CDH23: variants seen among roughly 807,000 people sequenced by gnomAD.
CDH23 encodes the protein cadherin-23.
CDH23 carries 189 observed loss-of-function variants against 317.1 expected under a neutral mutation model. The observed-to-expected ratio is 0.60, with a 90% CI of 0.53 to 0.67. The LOEUF is 0.67. CDH23 is among the 30% of genes least tolerant of loss of function. CDH23 has a pLI of 0.00. For synonymous variants in CDH23, 1,839 were observed against 1,876.8 expected (o/e 0.98, Z 0.52); for missense variants, 4,401 against 4,592.4 (o/e 0.96, Z 1.20).
intron 36 of CDH23, 29 bp downstream of exon 36, chr10:71,739,801 G>T: frequency 6.3e-7 from 1 of 1,593,338 alleles, no homozygotes. Context: ...TGGACTGAGA[G>T]ACCACTGGCT....
chr10:71,581,816 G>A (rs1398572249), intron 9 of CDH23, among the ~76,000 whole-genome samples: 1 of 152,188 alleles, frequency 6.6e-6, no homozygotes, highest in East Asian at 1.9e-4. Flanking sequence ...TGCCCAGCCT[G>A]TGGTCTCAAC....
intron 38 of CDH23, 87 bp from the exon 39 acceptor site, chr10:71,777,593 T>A: frequency 1.7e-6 from 2 of 1,148,094 alleles, no homozygotes. Flanking sequence ...TCACATGGAG[T>A]GAGTTCAGCC....
At chr10:71,651,366 C>CA (rs34501770) in intron 14 of CDH23, among the ~76,000 whole-genome samples, 43,728 of 100,146 alleles carry the variant, frequency 0.44, 9,361 homozygotes, top group East Asian at 0.63. Flanking sequence ...CCTGTCTCTG[C>CA]AAAAAAAAAA....
intron 8 of CDH23, among the ~76,000 whole-genome samples, chr10:71,574,827 T>G (rs1000615500): frequency 2.6e-5 from 4 of 151,842 alleles, no homozygotes; most frequent in Non-Finnish European, 5.9e-5. Flanking sequence ...CCTCACCCCC[T>G]CCTCATCTTG....
chr10:71,554,815 G>A (rs1173861809), intron 6 of CDH23, among the ~76,000 whole-genome samples: 1 of 152,022 alleles, frequency 6.6e-6, no homozygotes. Context: ...ATAGAAGATA[G>A]TATAGGGATT....
At chr10:71,571,036 C>T in intron 8 of CDH23, 118 bp downstream of exon 8, 2 of 1,135,602 alleles carry the variant, frequency 1.8e-6, no homozygotes, top group Non-Finnish European at 2.5e-6. Context: ...CTCCGCAGTC[C>T]CTGTGCGTGG....
chr10:71,442,493 C>T lies in CDH23; in HGVS notation c.67+2595C>T, dbSNP rs527519878. 9.0e-4 allele frequency among the ~76,000 whole-genome samples: 137 copies of T among 152,306 alleles called. 1 individual carries two copies. Among genetic ancestry groups the T allele is most frequent in the South Asian group, 3.1e-3 (15 of 4,830 alleles). On this transcript the variant is annotated intron_variant, in intron 2 of 69. Transcript: ENST00000224721. ...TTCCACCTGACCCCGTCACCCCAGC[C>T]GATCTCTACCCCCCTACCTGGTAGT...
Position 71,751,558 on chromosome 10 carries a change from G to T in CDH23, c.4845+9637G>T. ...TGTCCCTCACCCTCAACCCCACCCC[G>T]TGAGGCCGTGGAACTCTTCAGGGAG... On this transcript the variant is annotated intron_variant, in intron 38 of 69. Transcript: ENST00000224721. The surrounding 1 kb of genome is among the most constrained non-coding windows in gnomAD (Gnocchi z 4.9). 1 of 1,239,050 alleles carries T rather than the reference G, an allele frequency of 8.1e-7. No homozygotes were observed. The highest frequency in any genetic ancestry group is 1.1e-6 in the Non-Finnish European group (1 of 911,400). 76.8% of individuals were successfully genotyped at this position (1,239,050 alleles called of 1,614,324 possible).
chr10:71,444,724 C>T (rs1850073590), intron 2 of CDH23, among the ~76,000 whole-genome samples: 1 of 152,184 alleles, frequency 6.6e-6, no homozygotes. Context: ...GGAGGAAGTG[C>T]CATACCCAGA....
chr10:71,731,068 C>CAGT (rs1198022588), intron 31 of CDH23, among the ~76,000 whole-genome samples: 3 of 152,242 alleles, frequency 2.0e-5, no homozygotes, highest in African/African-American at 7.2e-5. Context: ...TGCCGCAGGG[C>CAGT]AGTAGCCTGA....
intron 9 of CDH23, among the ~76,000 whole-genome samples, chr10:71,595,631 T>C (rs1458090954): frequency 6.6e-6 from 1 of 151,980 alleles, no homozygotes; most frequent in African/African-American, 2.4e-5. Flanking sequence ...CACACGGCCC[T>C]CACAACCCAG....
chr10:71,644,339 A>G (rs1192273433), intron 12 of CDH23, among the ~76,000 whole-genome samples: 1 of 152,278 alleles, frequency 6.6e-6, no homozygotes, highest in Admixed American at 6.5e-5. Flanking sequence ...CCAGGCTTTA[A>G]GAAAAGTCTA....
At chr10:71,677,248 C>A (rs925463899) in intron 15 of CDH23, among the ~76,000 whole-genome samples, 1 of 152,162 alleles carries the variant, frequency 6.6e-6, no homozygotes, top group Non-Finnish European at 1.5e-5. Context: ...CTCCTGCCCA[C>A]CTCGTGTGAT....
chr10:71,766,431 A>G (rs1202901179), intron 38 of CDH23, among the ~76,000 whole-genome samples: 6 of 152,142 alleles, frequency 3.9e-5, no homozygotes, highest in Non-Finnish European at 7.4e-5. Flanking sequence ...GAACCTGGGA[A>G]AGCCTGAGTC....
chr10:71,814,150 C>G (rs528303673), intron 69 of CDH23, among the ~76,000 whole-genome samples: 2 of 152,354 alleles, frequency 1.3e-5, no homozygotes, highest in Admixed American at 1.3e-4. Flanking sequence ...CACTTTCTGC[C>G]TGGACACAAT....
chr10:71,757,430 T>C (rs1304702094), intron 38 of CDH23: 1 of 152,436 alleles, frequency 6.6e-6, no homozygotes, highest in Non-Finnish European at 1.5e-5. Flanking sequence ...GCGCAGAGGT[T>C]TGGGGACAAG....
intron 14 of CDH23, among the ~76,000 whole-genome samples, chr10:71,650,819 T>C (rs1384118417): frequency 2.0e-5 from 3 of 152,216 alleles, no homozygotes; most frequent in Non-Finnish European, 2.9e-5. Flanking sequence ...AGGGAGTGTC[T>C]TATCCTGGGA....
At chr10:71,737,742 G>T (rs534466092) in intron 34 of CDH23, 13 of 470,046 alleles carry the variant, frequency 2.8e-5, no homozygotes, top group African/African-American at 2.4e-4. Context: ...GATTCCAGCC[G>T]CAGTGGCCTG....
intron 11 of CDH23, among the ~76,000 whole-genome samples, chr10:71,643,253 C>T (rs1281125636): frequency 6.6e-6 from 1 of 152,074 alleles, no homozygotes; most frequent in African/African-American, 2.4e-5. Flanking sequence ...GGGAAAGAGA[C>T]CCAGGAATGG....
Sources: gnomAD v4.1 joint callset for allele counts (sites outside exome capture counted in the v4.1 genomes callset) on GRCh38, gnomAD v4.1.1 for gene constraint, Gnocchi (gnomAD v3.1) non-coding constraint, MANE v1.5 for transcripts, NCBI Gene and HGNC (gene_info 2026-07-23, HGNC 2026-07-21) for gene names.